Variants in DDX1 observed in about 807,000 individuals in gnomAD.
DDX1 encodes DEAD-box helicase 1.
A neutral mutation model predicts 108.7 loss-of-function variants in DDX1; 28 were observed. The ratio of observed to expected loss-of-function variants is 0.26; its 90% CI spans 0.19 to 0.35. The LOEUF (loss-of-function observed/expected upper bound fraction) is 0.35, where lower values mean the gene tolerates loss of function less well. Among genes scored for constraint, DDX1 ranks in the 10% least tolerant of loss-of-function variants. The probability of loss-of-function intolerance (pLI) is 1.00; values close to 1 mark genes in which losing one functional copy is unlikely to be tolerated. For missense variants in DDX1, 710 were observed against 884.5 expected, an observed-to-expected ratio of 0.80 and a Z score of 2.50; for synonymous variants, 295 against 288.9, an observed-to-expected ratio of 1.02 and a Z score of -0.21.
intron 14 of DDX1, among the ~76,000 whole-genome samples, chr2:15,614,713 C>T (rs1665865786): frequency 6.6e-6 from 1 of 152,204 alleles, no homozygotes; most frequent in Non-Finnish European, 1.5e-5. Flanking sequence ...TTCCCCAAAC[C>T]TCCAGAAATG....
chr2:15,624,826 A>G (rs1400817622), intron 19 of DDX1, among the ~76,000 whole-genome samples: 1 of 152,200 alleles, frequency 6.6e-6, no homozygotes. Flanking sequence ...CTGTGGAGCA[A>G]CTGCATACAG....
chr2:15,615,865 A>G (rs1050833925), intron 14 of DDX1, among the ~76,000 whole-genome samples: 1 of 152,112 alleles, frequency 6.6e-6, no homozygotes, highest in Non-Finnish European at 1.5e-5. Context: ...TAAATACATC[A>G]TATACACACT....
chr2:15,601,130 C>G (rs542697841), intron 6 of DDX1, among the ~76,000 whole-genome samples: 2 of 152,232 alleles, frequency 1.3e-5, no homozygotes, highest in Admixed American at 1.3e-4. Flanking sequence ...CTCCATTTTC[C>G]CTGTATACTC....
At chr2:15,624,227 G>C (rs140188601) in intron 19 of DDX1, among the ~76,000 whole-genome samples, 130 of 152,240 alleles carry the variant, frequency 8.5e-4, no homozygotes, top group Middle Eastern at 3.4e-3. Context: ...AAGAAAGCCA[G>C]TCTAGCTATA....
Position 15,621,996 on chromosome 2 carries a change from C to T in DDX1, c.1447+880C>T, listed in dbSNP as rs574902377. On this transcript the variant is annotated intron_variant, in intron 18 of 25. Coordinates refer to ENST00000233084, the MANE Select transcript of DDX1 (RefSeq NM_004939.3). ...TCTAATTCTCATCATAGGAAAACAG[C>T]GAATTTTTCTAGAGAGATTATTTTA... Among the ~76,000 whole-genome samples, 7 of 152,226 alleles carry T rather than the reference C, an allele frequency of 4.6e-5. No individual in the cohort carries two copies. The East Asian group carries it at 5.8e-4, about 13-fold the overall frequency.
chr2:15,604,537 A>G (rs1665634632), intron 10 of DDX1, 28 bp downstream of exon 10: 3 of 1,375,328 alleles, frequency 2.2e-6, no homozygotes, highest in African/African-American at 1.4e-5. Context: ...CTTAGTAGTG[A>G]AAAGATACAT....
At chr2:15,606,478 A>G (rs1665665187) in intron 12 of DDX1, among the ~76,000 whole-genome samples, 2 of 152,234 alleles carry the variant, frequency 1.3e-5, no homozygotes, top group Admixed American at 6.5e-5. Context: ...GATCGCAATC[A>G]TAACGGTAAT....
At chr2:15,612,866 G>A (rs951939532) in intron 13 of DDX1, among the ~76,000 whole-genome samples, 2 of 151,814 alleles carry the variant, frequency 1.3e-5, no homozygotes, top group Non-Finnish European at 2.9e-5. Flanking sequence ...AACCAGTCAG[G>A]CGTGGTGGCG....
chr2:15,607,100 T>G, intron 12 of DDX1, 75 bp from the exon 13 acceptor site: 1 of 1,299,088 alleles, frequency 7.7e-7, no homozygotes, highest in Admixed American at 2.0e-5. Context: ...ATTAGAATAT[T>G]TGTCCTAATG....
intron 6 of DDX1, among the ~76,000 whole-genome samples, chr2:15,601,119 A>G (rs62120727): frequency 1.3e-5 from 2 of 151,328 alleles, no homozygotes; most frequent in Non-Finnish European, 2.9e-5. Context: ...AAATAAATAA[A>G]CTCCATTTTC....
At chr2:15,615,694 A>T (rs1665882640) in intron 14 of DDX1, among the ~76,000 whole-genome samples, 1 of 152,188 alleles carries the variant, frequency 6.6e-6, no homozygotes, top group Non-Finnish European at 1.5e-5. Flanking sequence ...AACTAGAGGA[A>T]TAACTTTGCT....
rs771988190 is a variant in DDX1 at position 15,603,242 on chromosome 2, G to A, written c.442G>A (p.Gly148Arg). Residue 148 changes from glycine to arginine, a missense_variant, in exon 8 of 26, where the codon GGG (glycine) becomes AGG (arginine). This residue lies in a region of DDX1 where 661 missense variants were observed against 810.2 expected (regional missense o/e 0.82). Coordinates refer to ENST00000233084, the MANE Select transcript of DDX1 (RefSeq NM_004939.3). Reference sequence around the variant, plus strand: ...TCATGACCAAGGGTTATGCAGGGTCGGGTGGTCTACCATGCAGGCCTCTTT... The same window carrying A: ...TCATGACCAAGGGTTATGCAGGGTCAGGTGGTCTACCATGCAGGCCTCTTT... ...SCHDQGLCRV[G>R]WSTMQASLDL... The A allele has an allele frequency of 1.2e-6, 2 of 1,613,524 alleles. No individual in the cohort carries two copies. The highest frequency in any genetic ancestry group is 1.7e-6 in the Non-Finnish European group (2 of 1,179,660).
At chr2:15,618,338 C>A in intron 16 of DDX1, 68 bp downstream of exon 16, 2 of 824,612 alleles carry the variant, frequency 2.4e-6, no homozygotes, top group South Asian at 1.8e-5. Flanking sequence ...TACGGGATCC[C>A]AGGGGGTGTT....
chr2:15,604,293 G>GTCATA (rs561236137), intron 9 of DDX1, 144 bp from the exon 10 acceptor site: 411 of 614,564 alleles, frequency 6.7e-4, no homozygotes, highest in African/African-American at 5.3e-3. Flanking sequence ...TCAAATGCTT[G>GTCATA]TACTATTGTA....
chr2:15,607,502 T>A (rs920478554), intron 13 of DDX1, among the ~76,000 whole-genome samples, 189 bp downstream of exon 13: 2 of 101,576 alleles, frequency 2.0e-5, no homozygotes, highest in African/African-American at 1.0e-4. Flanking sequence ...TAAGTATGAT[T>A]TTTTTAAAAT....
At chr2:15,622,917 G>T (rs1011424518) in intron 18 of DDX1, among the ~76,000 whole-genome samples, 1 of 152,154 alleles carries the variant, frequency 6.6e-6, no homozygotes, top group Non-Finnish European at 1.5e-5. Flanking sequence ...TTGGAGGATG[G>T]TGACTAAAAA....
At chr2:15,620,546 T>A (rs920169630) in intron 17 of DDX1, 150 bp downstream of exon 17, 14 of 550,052 alleles carry the variant, frequency 2.5e-5, no homozygotes, top group Non-Finnish European at 4.0e-5. Flanking sequence ...TAAAAAGCAC[T>A]GAATAAGTGA....
At chr2:15,613,028 G>T (rs577988001) in intron 13 of DDX1, among the ~76,000 whole-genome samples, 196 bp from the exon 14 acceptor site, 1 of 151,918 alleles carries the variant, frequency 6.6e-6, no homozygotes, top group African/African-American at 2.4e-5. Context: ...CGTGGGGAGA[G>T]GGAGAGGGGG....
intron 10 of DDX1, among the ~76,000 whole-genome samples, chr2:15,605,120 T>C (rs758493810): frequency 2.0e-5 from 3 of 152,246 alleles, no homozygotes; most frequent in Admixed American, 6.5e-5. Context: ...TTGAGTGAAA[T>C]GGAAAGCCAT....
Sources: gnomAD v4.1 joint callset for allele counts (sites outside exome capture counted in the v4.1 genomes callset) on GRCh38, gnomAD v4.1.1 for gene constraint, gnomAD v4.1.1 regional missense constraint, MANE v1.5 for transcripts, NCBI Gene and HGNC (gene_info 2026-07-23, HGNC 2026-07-21) for gene names.